CNTNAP5: variants seen among roughly 807,000 people sequenced by gnomAD.
The protein encoded by CNTNAP5 is contactin-associated protein-like 5.
CNTNAP5 carries 72 observed loss-of-function variants against 150.2 expected under a neutral mutation model. That is an observed-to-expected ratio of 0.48 (90% CI 0.40 to 0.58). The LOEUF (loss-of-function observed/expected upper bound fraction) is 0.58, where lower values mean the gene tolerates loss of function less well. Ranked by LOEUF, CNTNAP5 falls within the 20% of genes least tolerant of loss-of-function variation. The probability of loss-of-function intolerance (pLI) is 0.00; values close to 1 mark genes in which losing one functional copy is unlikely to be tolerated. For missense variants in CNTNAP5, 1,636 were observed against 1,626.2 expected (o/e 1.01, Z -0.10); for synonymous variants, 672 against 619.8 (o/e 1.08, Z -1.25).
At chr2:124,682,482 G>A (rs967499180) in intron 13 of CNTNAP5, among the ~76,000 whole-genome samples, 8 of 152,114 alleles carry the variant, frequency 5.3e-5, no homozygotes, top group East Asian at 3.9e-4. Flanking sequence ...TTAATGGAAC[G>A]TCAAAAGTTC....
intron 11 of CNTNAP5, among the ~76,000 whole-genome samples, chr2:124,581,444 T>C (rs1299173617): frequency 6.6e-6 from 1 of 152,196 alleles, no homozygotes; most frequent in Non-Finnish European, 1.5e-5. Flanking sequence ...TATGTGATTC[T>C]TCTACTAAGA....
chr2:124,247,041 G>A (rs1687047668), intron 3 of CNTNAP5, among the ~76,000 whole-genome samples: 1 of 152,044 alleles, frequency 6.6e-6, no homozygotes, highest in African/African-American at 2.4e-5. Context: ...CTCACACAGA[G>A]GTCAATTCAA....
intron 21 of CNTNAP5, among the ~76,000 whole-genome samples, chr2:124,892,419 T>A (rs924971235): frequency 3.9e-5 from 6 of 152,106 alleles, no homozygotes; most frequent in African/African-American, 1.4e-4. Context: ...CACATCTGGG[T>A]CACTGAAACC....
At chr2:124,059,956 A>G (rs1010437914) in intron 1 of CNTNAP5, among the ~76,000 whole-genome samples, 7 of 152,178 alleles carry the variant, frequency 4.6e-5, no homozygotes, top group African/African-American at 1.4e-4. Context: ...TCTCACAAAC[A>G]TGGTTTTCTT....
intron 1 of CNTNAP5, among the ~76,000 whole-genome samples, chr2:124,187,151 G>T (rs926913493): frequency 1.3e-5 from 2 of 152,104 alleles, no homozygotes; most frequent in Non-Finnish European, 2.9e-5. Context: ...GAAAAAAAGA[G>T]CAACCTGGAA....
In CNTNAP5 at chr2:124,918,868, T is replaced by A. The variant is rs753121875; in HGVS notation, c.*4580T>A. 2.6e-5 allele frequency among the ~76,000 whole-genome samples: 4 copies of A among 152,148 alleles called. No homozygotes were observed. Among genetic ancestry groups the A allele is most frequent in the Admixed American group, 6.6e-5 (1 of 15,262 alleles). On this transcript the variant is annotated 3_prime_UTR_variant, in exon 24 of 24. Transcript: ENST00000682447. ...AAGAAGATGCAGACAAACTCAAAAC[T>A]TTCAGAAGTCTAGGAGGATAACTGA...
intron 12 of CNTNAP5, among the ~76,000 whole-genome samples, chr2:124,623,667 G>T (rs1183103197): frequency 6.6e-6 from 1 of 152,152 alleles, no homozygotes. Flanking sequence ...AGAAAGCCTA[G>T]ATCCTTCTCC....
At chr2:124,201,736 A>AATG (rs891998947) in intron 1 of CNTNAP5, among the ~76,000 whole-genome samples, 1 of 152,232 alleles carries the variant, frequency 6.6e-6, no homozygotes, top group African/African-American at 2.4e-5. Flanking sequence ...GGAGCTCAGG[A>AATG]ATGATTAAAG....
intron 11 of CNTNAP5, among the ~76,000 whole-genome samples, chr2:124,576,616 G>C (rs1375635464): frequency 6.6e-6 from 1 of 152,074 alleles, no homozygotes; most frequent in Non-Finnish European, 1.5e-5. Context: ...TTCTGTATTT[G>C]GTTTTGTGTT....
chr2:124,881,643 G>T (rs938084747), intron 21 of CNTNAP5, among the ~76,000 whole-genome samples: 1 of 152,060 alleles, frequency 6.6e-6, no homozygotes, highest in Admixed American at 6.6e-5. Flanking sequence ...GAGTCCAGTT[G>T]GGGGCCTTCA....
chr2:124,890,033 A>T (rs2104747086), intron 21 of CNTNAP5, among the ~76,000 whole-genome samples: 1 of 152,202 alleles, frequency 6.6e-6, no homozygotes, highest in South Asian at 2.1e-4. Flanking sequence ...GAGTATTAGA[A>T]ATAATATACA....
rs1342197967 is a variant in CNTNAP5 at position 124,104,425 on chromosome 2, C to A, written c.82+78693C>A. Reference sequence around the variant, plus strand: ...GTAGACACACATCTATTCTAGACACCAATTAGATAGATAGAGCAGTGATCA... The same window carrying A: ...GTAGACACACATCTATTCTAGACACAAATTAGATAGATAGAGCAGTGATCA... On this transcript the variant is annotated intron_variant, in intron 1 of 23. Coordinates refer to ENST00000682447, the MANE Select transcript of CNTNAP5 (RefSeq NM_001367498.1). Among the ~76,000 whole-genome samples the A allele has an allele frequency of 3.9e-5, 6 of 152,056 alleles. No homozygotes were observed. In the South Asian group the frequency reaches 1.2e-3, roughly 32 times the overall value.
intron 3 of CNTNAP5, among the ~76,000 whole-genome samples, chr2:124,249,277 T>G (rs963098075): frequency 1.3e-5 from 2 of 152,174 alleles, no homozygotes; most frequent in African/African-American, 4.8e-5. Flanking sequence ...TACTCTGCCG[T>G]CTCTTGTGGG....
At chr2:124,760,818 T>A (rs1680940538) in intron 14 of CNTNAP5, among the ~76,000 whole-genome samples, 1 of 152,146 alleles carries the variant, frequency 6.6e-6, no homozygotes, top group African/African-American at 2.4e-5. Context: ...TTCTACTATG[T>A]ACAAGTTGGT....
intron 19 of CNTNAP5, among the ~76,000 whole-genome samples, chr2:124,846,466 T>G (rs1464384839): frequency 6.6e-6 from 1 of 152,134 alleles, no homozygotes; most frequent in Non-Finnish European, 1.5e-5. Flanking sequence ...GGAATTTCTC[T>G]TTCATATCCT....
intron 3 of CNTNAP5, among the ~76,000 whole-genome samples, chr2:124,311,497 T>G (rs73952941): frequency 0.012 from 1,779 of 152,264 alleles, 39 homozygotes; most frequent in African/African-American, 0.041. Flanking sequence ...ATTTTTTGTC[T>G]TTTTACAAGG....
At chr2:124,715,815 T>C (rs1679933103) in intron 13 of CNTNAP5, among the ~76,000 whole-genome samples, 1 of 152,172 alleles carries the variant, frequency 6.6e-6, no homozygotes. Context: ...GGGGAACAGC[T>C]ACTAGTCTGC....
At chr2:124,100,148 G>A (rs1433294674) in intron 1 of CNTNAP5, among the ~76,000 whole-genome samples, 1 of 152,170 alleles carries the variant, frequency 6.6e-6, no homozygotes, top group Admixed American at 6.5e-5. Context: ...AAAAGCAGGA[G>A]CAGGCACTTC....
chr2:124,880,030 GA>G (rs1677935859), intron 21 of CNTNAP5, among the ~76,000 whole-genome samples: 1 of 152,130 alleles, frequency 6.6e-6, no homozygotes, highest in Non-Finnish European at 1.5e-5. Flanking sequence ...CACAGAAGGA[GA>G]GGGAATTGAG....
Sources: gnomAD v4.1 joint callset for allele counts (sites outside exome capture counted in the v4.1 genomes callset) on GRCh38, gnomAD v4.1.1 for gene constraint, MANE v1.5 for transcripts, NCBI Gene and HGNC (gene_info 2026-07-23, HGNC 2026-07-21) for gene names.